ASTN2: variants seen among roughly 807,000 people sequenced by gnomAD.
ASTN2 encodes astrotactin 2.
Under a neutral mutation model 139.8 loss-of-function variants are expected in ASTN2, and 54 were observed. The observed-to-expected ratio is 0.39, with a 90% CI of 0.31 to 0.48. The LOEUF (loss-of-function observed/expected upper bound fraction) is 0.48. Among genes scored for constraint, ASTN2 ranks in the 20% least tolerant of loss-of-function variants. The pLI is 0.95. For missense variants in ASTN2, 1,565 were observed against 1,725.1 expected, an observed-to-expected ratio of 0.91 and a Z score of 1.64; for synonymous variants, 756 against 719.5, an observed-to-expected ratio of 1.05 and a Z score of -0.81.
chr9:117,220,002 G>A (rs1460139077), intron 2 of ASTN2, among the ~76,000 whole-genome samples: 7 of 152,206 alleles, frequency 4.6e-5, no homozygotes, highest in Admixed American at 4.6e-4. Flanking sequence ...TTACTTCCTT[G>A]GACTGCAATA....
intron 19 of ASTN2, among the ~76,000 whole-genome samples, chr9:116,491,040 C>A (rs767062967): frequency 9.2e-5 from 14 of 152,176 alleles, no homozygotes; most frequent in Non-Finnish European, 1.9e-4. Flanking sequence ...GTAAGACTGG[C>A]ATGATTCTAT....
chr9:116,864,332 C>G (rs1483283895), intron 10 of ASTN2, among the ~76,000 whole-genome samples: 17 of 152,178 alleles, frequency 1.1e-4, no homozygotes, highest in Admixed American at 1.1e-3. Context: ...CTCCAGGGCC[C>G]TAGATCCTTA....
intron 2 of ASTN2, among the ~76,000 whole-genome samples, chr9:117,260,184 A>G (rs1271279299): frequency 1.3e-5 from 2 of 152,114 alleles, no homozygotes; most frequent in East Asian, 1.9e-4. Flanking sequence ...CACCCCTTTA[A>G]CAGAGCACAT....
At chr9:117,328,407 T>C (rs1215574946) in intron 1 of ASTN2, among the ~76,000 whole-genome samples, 1 of 152,204 alleles carries the variant, frequency 6.6e-6, no homozygotes, top group Non-Finnish European at 1.5e-5. Context: ...ACTTTGGGAC[T>C]GTTCAGAGCT....
chr9:117,243,635 C>G (rs116053973), intron 2 of ASTN2, among the ~76,000 whole-genome samples: 1,695 of 152,226 alleles, frequency 0.011, 46 homozygotes, highest in African/African-American at 0.039. Context: ...CGTCACTTGG[C>G]TCGAAGAATT....
chr9:117,234,178 C>G (rs930283185), intron 2 of ASTN2, among the ~76,000 whole-genome samples: 7 of 152,180 alleles, frequency 4.6e-5, no homozygotes, highest in Non-Finnish European at 8.8e-5. Context: ...CAACTCCTCT[C>G]CTCCCACAGA....
In ASTN2 at chr9:117,115,753, C is replaced by T. The variant is rs147450121; in HGVS notation, c.1169-19602G>A. Reference sequence around the variant, plus strand: ...ATAAGAGACAATTGCTGGCCGGGCGCGGTGGCTCACACCTGTAATCCCAGC... The same window carrying T: ...ATAAGAGACAATTGCTGGCCGGGCGTGGTGGCTCACACCTGTAATCCCAGC... On this transcript the variant is annotated intron_variant, in intron 4 of 22. Transcript: ENST00000313400. Among the ~76,000 whole-genome samples, 61 of 150,114 alleles carry T rather than the reference C, an allele frequency of 4.1e-4. 1 individual carries two copies. The East Asian group carries it at 0.011, about 28-fold the overall frequency.
chr9:117,073,891 G>A (rs1248789712), intron 5 of ASTN2, among the ~76,000 whole-genome samples: 1 of 152,144 alleles, frequency 6.6e-6, no homozygotes, highest in Non-Finnish European at 1.5e-5. Context: ...CCTAGTGGAT[G>A]AAAGAATAAA....
intron 1 of ASTN2, among the ~76,000 whole-genome samples, chr9:117,346,947 T>G (rs570576187): frequency 7.0e-4 from 107 of 152,240 alleles, no homozygotes; most frequent in Non-Finnish European, 1.2e-3. Flanking sequence ...TGACACAGCA[T>G]TTGGGCTCAA....
intron 10 of ASTN2, among the ~76,000 whole-genome samples, chr9:116,903,936 C>A (rs954470898): frequency 3.3e-5 from 5 of 152,156 alleles, no homozygotes; most frequent in African/African-American, 9.7e-5. Context: ...CAGGAACACA[C>A]CCCTCCCTCA....
intron 1 of ASTN2, among the ~76,000 whole-genome samples, chr9:117,373,906 T>C (rs1035410371): frequency 1.3e-5 from 2 of 152,148 alleles, no homozygotes; most frequent in African/African-American, 4.8e-5. Flanking sequence ...GAAGAGCTAA[T>C]AGAGTTACTG....
At chr9:117,012,007 A>G (rs1837550963) in intron 6 of ASTN2, among the ~76,000 whole-genome samples, 1 of 152,130 alleles carries the variant, frequency 6.6e-6, no homozygotes, top group Non-Finnish European at 1.5e-5. Flanking sequence ...GTGATTTCCT[A>G]CAGAGAAGAG....
At chr9:116,509,616 C>T (rs1475540153) in intron 19 of ASTN2, among the ~76,000 whole-genome samples, 2 of 152,174 alleles carry the variant, frequency 1.3e-5, no homozygotes, top group South Asian at 2.1e-4. Flanking sequence ...CTAGTTTACT[C>T]TCCCACCAAC....
rs566761218 is a variant in ASTN2, at chr9:116,973,101, T to C, written c.1889+2107A>G. On this transcript the variant is annotated intron_variant, in intron 10 of 22. Transcript: ENST00000313400. ...TGCAGATTCTCTCAAATGGTGATGA[T>C]TGCAATCTTTTATCCCCTATTGCAG... Among the ~76,000 whole-genome samples the C allele has an allele frequency of 2.0e-5, 3 of 152,338 alleles. No homozygotes were observed. The East Asian group carries it at 5.8e-4, about 29-fold the overall frequency.
At chr9:116,786,340 C>T (rs1830376031) in intron 13 of ASTN2, among the ~76,000 whole-genome samples, 2 of 152,054 alleles carry the variant, frequency 1.3e-5, no homozygotes, top group African/African-American at 4.8e-5. Context: ...GTTGATTGTC[C>T]CCTACACTAG....
intron 16 of ASTN2, among the ~76,000 whole-genome samples, chr9:116,660,168 G>GCACACACA (rs3041004): frequency 0.023 from 3,444 of 146,640 alleles, 69 homozygotes; most frequent in South Asian, 0.071. Flanking sequence ...TATTGCAAGC[G>GCACACACA]CACACACACA....
intron 21 of ASTN2, 132 bp downstream of exon 21, chr9:116,442,309 TGTTCCCTTAGTG>T (rs1847863115): frequency 4.3e-6 from 3 of 699,712 alleles, no homozygotes; most frequent in African/African-American, 3.5e-5. Context: ...ATGTTCCTCC[TGTTCCCTTAGTG>T]CCTTCAATTT....
chr9:116,425,605 T>C lies in ASTN2; in HGVS notation c.*246A>G, dbSNP rs1258508960. The C allele has an allele frequency of 6.2e-7, 1 of 1,613,288 alleles. No homozygotes were observed. The highest frequency in any genetic ancestry group is 1.7e-5 in the Admixed American group (1 of 59,782). On this transcript the variant is annotated 3_prime_UTR_variant, in exon 23 of 23. Transcript: ENST00000313400. Reference sequence around the variant, plus strand: ...AAGAAAAGGTTTAAAAAGGAGAGACTTTTGATAGAGTCAAATAATATCTTT... The same window carrying C: ...AAGAAAAGGTTTAAAAAGGAGAGACCTTTGATAGAGTCAAATAATATCTTT...
Position 116,426,055 on chromosome 9 carries a change from C to T in ASTN2, c.3816G>A (p.Arg1272=). The T allele has an allele frequency of 6.2e-7, 1 of 1,613,792 alleles. No homozygotes were observed. The highest frequency in any genetic ancestry group is 8.5e-7 in the Non-Finnish European group (1 of 1,180,006). ...KAHLILRRLE[R]VSSHCSSLLR... The stretch of plus-strand genomic sequence containing the variant: ...GGAGGCTGGAGCAGTGGCTACTCAC[C>T]CTCTCCAGTCGCCGTAGAATCAGGT... Residue 1272 remains arginine, a synonymous_variant, in exon 23 of 23, where the codon AGG becomes AGA. Coordinates refer to ENST00000313400, the MANE Select transcript of ASTN2 (RefSeq NM_001365068.1).
Sources: gnomAD v4.1 joint callset for allele counts (sites outside exome capture counted in the v4.1 genomes callset) on GRCh38, gnomAD v4.1.1 for gene constraint, MANE v1.5 for transcripts, NCBI Gene and HGNC (gene_info 2026-07-23, HGNC 2026-07-21) for gene names.